PPM1H: variants seen among roughly 807,000 people sequenced by gnomAD.
The protein encoded by PPM1H is protein phosphatase, Mg2+/Mn2+ dependent 1H.
A neutral mutation model predicts 54.9 loss-of-function variants in PPM1H; 27 were observed. The observed-to-expected ratio is 0.49, with a 90% confidence interval of 0.36 to 0.68. PPM1H has a LOEUF of 0.68. PPM1H is among the 30% of genes least tolerant of loss of function. The pLI is 0.00. For missense variants in PPM1H, 596 were observed against 667.8 expected (o/e 0.89, Z 1.19); for synonymous variants, 305 against 270.8 (o/e 1.13, Z -1.24).
rs1592521008 is a variant in PPM1H at position 62,646,590 on chromosome 12, A to ACTT, written c.*1896_*1898dup. 6.6e-6 allele frequency: 1 copy of ACTT among 152,214 alleles called. No homozygotes were observed. The highest frequency in any genetic ancestry group is 2.4e-5 in the African/African-American group (1 of 41,436). The allele number at this position is 152,214 out of a possible 1,614,324, so 9.4% of individuals were successfully genotyped here. Reference sequence around the variant, plus strand: ...CCACGAAGCAAAGCATTTTCCACAAACTTCTCTCCATAGAGATATCTGGGG... The same window carrying ACTT: ...CCACGAAGCAAAGCATTTTCCACAAACTTCTTCTCTCCATAGAGATATCTGGGG... On this transcript the variant is annotated 3_prime_UTR_variant, in exon 10 of 10. Coordinates refer to ENST00000228705, the MANE Select transcript of PPM1H (RefSeq NM_020700.2).
At chr12:62,740,982 T>C (rs2076378294) in intron 4 of PPM1H, among the ~76,000 whole-genome samples, 1 of 152,214 alleles carries the variant, frequency 6.6e-6, no homozygotes, top group South Asian at 2.1e-4. Context: ...ATATCTCTGT[T>C]GTGCTCGGCC....
intron 9 of PPM1H, among the ~76,000 whole-genome samples, chr12:62,666,672 T>C (rs753242672): frequency 2.0e-5 from 3 of 152,178 alleles, no homozygotes; most frequent in Non-Finnish European, 4.4e-5. Flanking sequence ...CACTTGTATC[T>C]ACGTTCAACT....
chr12:62,833,280 G>T (rs1393768819), intron 1 of PPM1H, among the ~76,000 whole-genome samples: 1 of 152,154 alleles, frequency 6.6e-6, no homozygotes, highest in Non-Finnish European at 1.5e-5. Context: ...CTCTATAAGT[G>T]TGGTGTGTAC....
At position 62,934,678 on chromosome 12, in the gene PPM1H, C is replaced by T. The variant is rs1872266571; in HGVS notation, c.59G>A (p.Ser20Asn). ...GCCGCCGCCGTGCTCGGAGCCTGAG[C>T]TGCCAGCCATGATGCCGCCCATGAA... ...ANFMGGIMAGSSGSEHGGGSC... is the reference protein window; with the variant it reads ...ANFMGGIMAGNSGSEHGGGSC... Residue 20 changes from serine (S) to asparagine (N), a missense_variant, in exon 1 of 10, where the codon AGC (serine) becomes AAC (asparagine). Ser to Asn is a conservative substitution (Grantham distance 46). Coordinates refer to ENST00000228705, the MANE Select transcript of PPM1H (RefSeq NM_020700.2). This position sits in a 1 kb window ranked among gnomAD's most constrained non-coding sequence, Gnocchi z 4.2. 1 of 1,607,126 alleles carries T rather than the reference C, an allele frequency of 6.2e-7. No individual in the cohort carries two copies. The highest frequency in any genetic ancestry group is 8.5e-7 in the Non-Finnish European group (1 of 1,177,574).
At chr12:62,864,278 T>C (rs770284469) in intron 1 of PPM1H, among the ~76,000 whole-genome samples, 12 of 152,240 alleles carry the variant, frequency 7.9e-5, no homozygotes, top group Admixed American at 2.6e-4. Flanking sequence ...TTTGCAGTAA[T>C]AAAGTTGGGT....
chr12:62,811,219 C>T (rs1288653155), intron 2 of PPM1H, among the ~76,000 whole-genome samples: 2 of 152,166 alleles, frequency 1.3e-5, no homozygotes, highest in African/African-American at 2.4e-5. Flanking sequence ...TATCTATGCA[C>T]GCATTAAAAT....
chr12:62,862,248 C>T (rs1041236232), intron 1 of PPM1H, among the ~76,000 whole-genome samples: 2 of 152,110 alleles, frequency 1.3e-5, no homozygotes, highest in Admixed American at 6.5e-5. Context: ...TATAAGATGG[C>T]TACTGGCCCC....
At chr12:62,693,561 G>C (rs163687) in intron 7 of PPM1H, among the ~76,000 whole-genome samples, 28,341 of 152,178 alleles carry the variant, frequency 0.19, 3,242 homozygotes, top group East Asian at 0.53. Context: ...CAGCTGCCTC[G>C]TCTGCCAGAT....
intron 6 of PPM1H, among the ~76,000 whole-genome samples, chr12:62,701,267 C>A (rs1202633508): frequency 6.6e-6 from 1 of 152,348 alleles, no homozygotes; most frequent in Non-Finnish European, 1.5e-5. Context: ...CTCACAAGCA[C>A]CCCTTTCCCA....
chr12:62,659,728 T>G (rs909833810), intron 9 of PPM1H, among the ~76,000 whole-genome samples: 1 of 152,228 alleles, frequency 6.6e-6, no homozygotes, highest in Non-Finnish European at 1.5e-5. Context: ...CTTTTTGTCC[T>G]GCTTCCTTTC....
intron 1 of PPM1H, among the ~76,000 whole-genome samples, chr12:62,863,543 A>C (rs1243301903): frequency 6.6e-6 from 1 of 152,220 alleles, no homozygotes; most frequent in African/African-American, 2.4e-5. Context: ...TATAACAATT[A>C]GTGTTCCCCA....
intron 4 of PPM1H, among the ~76,000 whole-genome samples, chr12:62,753,413 T>C (rs2076453243): frequency 6.6e-6 from 1 of 152,244 alleles, no homozygotes; most frequent in South Asian, 2.1e-4. Flanking sequence ...TCACGTGGAT[T>C]GTTGTTCTCC....
At chr12:62,930,565 T>C (rs1872100589) in intron 1 of PPM1H, among the ~76,000 whole-genome samples, 1 of 152,128 alleles carries the variant, frequency 6.6e-6, no homozygotes, top group Non-Finnish European at 1.5e-5. Context: ...GACCAACTGT[T>C]TCATCAACAG....
intron 1 of PPM1H, among the ~76,000 whole-genome samples, chr12:62,839,887 A>C (rs1053172987): frequency 1.3e-5 from 2 of 151,774 alleles, no homozygotes; most frequent in African/African-American, 4.8e-5. Flanking sequence ...AAAAAAAAAA[A>C]AAACACCCAG....
intron 1 of PPM1H, among the ~76,000 whole-genome samples, chr12:62,867,981 T>A (rs951993364): frequency 6.6e-6 from 1 of 152,144 alleles, no homozygotes; most frequent in Non-Finnish European, 1.5e-5. Flanking sequence ...GTTATGTTTT[T>A]CATTTTGTCA....
intron 9 of PPM1H, among the ~76,000 whole-genome samples, chr12:62,649,995 T>C (rs905983921): frequency 5.3e-5 from 8 of 152,190 alleles, no homozygotes; most frequent in African/African-American, 1.9e-4. Context: ...CACCCTGATA[T>C]TGCTAGTGAC....
At chr12:62,725,996 T>A (rs758517002) in intron 5 of PPM1H, among the ~76,000 whole-genome samples, 7 of 152,244 alleles carry the variant, frequency 4.6e-5, no homozygotes, top group Non-Finnish European at 1.0e-4. Context: ...TCTGTCATAA[T>A]CATGCTTACC....
chr12:62,725,010 T>A (rs983662217), intron 5 of PPM1H, among the ~76,000 whole-genome samples: 3 of 152,348 alleles, frequency 2.0e-5, no homozygotes, highest in Admixed American at 6.5e-5. Flanking sequence ...CAGCATTTTT[T>A]AATTAATCCA....
intron 1 of PPM1H, among the ~76,000 whole-genome samples, chr12:62,850,371 A>T (rs1869136429): frequency 6.6e-6 from 1 of 152,122 alleles, no homozygotes; most frequent in African/African-American, 2.4e-5. Flanking sequence ...AAACTTTCAA[A>T]TTATTTTTTA....
Sources: gnomAD v4.1 joint callset for allele counts (sites outside exome capture counted in the v4.1 genomes callset) on GRCh38, gnomAD v4.1.1 for gene constraint, Gnocchi (gnomAD v3.1) non-coding constraint, MANE v1.5 for transcripts, NCBI Gene and HGNC (gene_info 2026-07-23, HGNC 2026-07-21) for gene names.